Variants in ZNF560 observed in about 807,000 individuals in gnomAD.
The protein encoded by ZNF560 is zinc finger protein 560.
A neutral mutation model predicts 81.8 loss-of-function variants in ZNF560; 54 were observed. The observed-to-expected ratio is 0.66, with a 90% CI of 0.53 to 0.83. The LOEUF (loss-of-function observed/expected upper bound fraction) is 0.83, where lower values mean the gene tolerates loss of function less well. Ranked by LOEUF, ZNF560 falls within the 40% of genes least tolerant of loss-of-function variation. ZNF560 has a pLI of 0.00. For missense variants in ZNF560, 940 were observed against 932.4 expected, an observed-to-expected ratio of 1.01 and a Z score of -0.11; for synonymous variants, 321 against 317.9, an observed-to-expected ratio of 1.01 and a Z score of -0.10.
chr19:9,487,239 C>T (rs1448110859), intron 2 of ZNF560, among the ~76,000 whole-genome samples: 1 of 152,146 alleles, frequency 6.6e-6, no homozygotes, highest in African/African-American at 2.4e-5. Context: ...AGTAAAATTG[C>T]CTTGCTGAGA....
At chr19:9,449,832 G>A in the ZNF560 span, among the ~76,000 whole-genome samples, 1 of 152,092 alleles carries the variant, frequency 6.6e-6, no homozygotes, top group South Asian at 2.1e-4. Flanking sequence ...AGCCAGGTGT[G>A]CCAGTCTGTG....
the ZNF560 span, among the ~76,000 whole-genome samples, chr19:9,447,445 T>A: frequency 6.6e-6 from 1 of 151,982 alleles, no homozygotes; most frequent in South Asian, 2.1e-4. Flanking sequence ...ACAGGGAAGC[T>A]CAGCTAGATC....
At chr19:9,483,195 C>A (rs150557628) in intron 2 of ZNF560, among the ~76,000 whole-genome samples, 3 of 151,298 alleles carry the variant, frequency 2.0e-5, no homozygotes, top group Non-Finnish European at 2.9e-5. Flanking sequence ...TCTTCCCGGC[C>A]GCCATCCCGT....
rs780520621 is a variant in ZNF560 at position 9,475,281 on chromosome 19, T to C, written c.30+3A>G. On this transcript the variant is annotated splice_donor_region_variant and intron_variant, in intron 3 of 9. Transcript: ENST00000301480. ...TTTGTGGAAGTATACATTTTCTGCA[T>C]ACCTGATAACAATTTGTCAGGCAGT... 17 of 1,613,750 alleles carry C rather than the reference T, an allele frequency of 1.1e-5. No homozygotes were observed. In the South Asian group the frequency reaches 1.6e-4, roughly 16 times the overall value.
intron 2 of ZNF560, among the ~76,000 whole-genome samples, chr19:9,496,533 T>C (rs1239262610): frequency 7.0e-6 from 1 of 143,592 alleles, no homozygotes; most frequent in African/African-American, 2.6e-5. Flanking sequence ...CTGGCTTTGG[T>C]CTTTTTGACT....
At chr19:9,483,576 G>A (rs907725897) in intron 2 of ZNF560, among the ~76,000 whole-genome samples, 1 of 147,536 alleles carries the variant, frequency 6.8e-6, no homozygotes. Flanking sequence ...CGTCCGGGAG[G>A]GGGGTGGGGG....
chr19:9,505,185 CAAGTTGCT>C, the ZNF560 span, among the ~76,000 whole-genome samples: 1 of 152,222 alleles, frequency 6.6e-6, no homozygotes. Context: ...CTCAGCATCC[CAAGTTGCT>C]AGAATTAAAG....
At chr19:9,480,143 C>T (rs760418848) in intron 2 of ZNF560, among the ~76,000 whole-genome samples, 3 of 152,170 alleles carry the variant, frequency 2.0e-5, no homozygotes, top group Non-Finnish European at 2.9e-5. Flanking sequence ...ATACACAGAA[C>T]ATTCCATCCA....
chr19:9,492,165 G>A (rs1439736178), intron 2 of ZNF560, among the ~76,000 whole-genome samples: 1 of 151,838 alleles, frequency 6.6e-6, no homozygotes, highest in East Asian at 2.0e-4. Context: ...GGTTTTCGTA[G>A]GGGGGTTGAT....
rs753732225 is a variant in ZNF560 at position 9,468,161 on chromosome 19, C to T, written c.786G>A (p.Arg262=). Residue 262 remains arginine, a synonymous_variant, in exon 10 of 10, where the codon AGG becomes AGA. Coordinates refer to ENST00000301480, the MANE Select transcript of ZNF560 (RefSeq NM_152476.3). ...LSLYNKTSTI[R]KVSVFSKHGK... ...CATGCTTACTGAACACAGAAACTTT[C>T]CTTATGGTAGAGGTTTTATTGTATA... is the stretch of plus-strand genomic sequence containing the variant. 4 of 1,614,032 alleles carry T rather than the reference C, an allele frequency of 2.5e-6. No homozygotes were observed. Among genetic ancestry groups the T allele is most frequent in the East Asian group, 4.5e-5 (2 of 44,874 alleles).
the ZNF560 span, among the ~76,000 whole-genome samples, chr19:9,506,397 G>A: frequency 3.5e-5 from 5 of 144,028 alleles, no homozygotes; most frequent in African/African-American, 5.2e-5. Flanking sequence ...TCTGCTATAC[G>A]ACTGCACGCT....
rs557898121 is a variant in ZNF560, at chr19:9,476,965, C to A, written c.-56-1596G>T. Among the ~76,000 whole-genome samples, 25 of 152,206 alleles carry A rather than the reference C, an allele frequency of 1.6e-4. No individual in the cohort carries two copies. The South Asian group carries it at 5.0e-3, about 30-fold the overall frequency. On this transcript the variant is annotated intron_variant, in intron 2 of 9. Transcript: ENST00000301480. Reference sequence around the variant, plus strand: ...GTAGCTTATAAATCTAAGTGGATAACTGGCAATCTATTCCTCTTTATATAG... The same window carrying A: ...GTAGCTTATAAATCTAAGTGGATAAATGGCAATCTATTCCTCTTTATATAG...
At chr19:9,483,396 C>T (rs563215486) in intron 2 of ZNF560, among the ~76,000 whole-genome samples, 5 of 150,634 alleles carry the variant, frequency 3.3e-5, no homozygotes, top group South Asian at 2.1e-4. Context: ...GCAGCCGCCC[C>T]GTCTGAGAAG....
Position 9,466,482 on chromosome 19 carries a change from G to T in ZNF560, c.*92C>A. On this transcript the variant is annotated 3_prime_UTR_variant, in exon 10 of 10. Transcript: ENST00000301480. ...TTCTCACATTCCTTACATTGATAGTGTTACTTTCTCCTGTGAATTTTTACA... is the reference window on the plus strand; with the variant it reads ...TTCTCACATTCCTTACATTGATAGTTTTACTTTCTCCTGTGAATTTTTACA... 1 of 1,203,344 alleles carries T rather than the reference G, an allele frequency of 8.3e-7. No individual in the cohort carries two copies. The highest frequency in any genetic ancestry group is 1.2e-6 in the Non-Finnish European group (1 of 852,796). The allele number at this position is 1,203,344 out of a possible 1,614,324, so 74.5% of individuals were successfully genotyped here. A position where few individuals can be genotyped will look rare whatever the true frequency, so the allele number is the denominator to read the frequency against.
downstream of ZNF560, among the ~76,000 whole-genome samples, chr19:9,464,367 T>C (rs1351193500): frequency 6.6e-6 from 1 of 152,202 alleles, no homozygotes; most frequent in African/African-American, 2.4e-5. Context: ...AAAGACAACA[T>C]TCGTGGTTCC....
At chr19:9,459,631 C>T in the ZNF560 span, among the ~76,000 whole-genome samples, 5 of 152,020 alleles carry the variant, frequency 3.3e-5, no homozygotes, top group African/African-American at 9.7e-5. Flanking sequence ...GCTCTGGGAG[C>T]CCACACTATT....
At chr19:9,459,831 A>G in the ZNF560 span, among the ~76,000 whole-genome samples, 1 of 152,178 alleles carries the variant, frequency 6.6e-6, no homozygotes, top group Non-Finnish European at 1.5e-5. Flanking sequence ...CCCTGGGCTT[A>G]GACTGTAGTG....
chr19:9,462,574 C>T (rs138667162), downstream of ZNF560, among the ~76,000 whole-genome samples: 468 of 152,218 alleles, frequency 3.1e-3, 2 homozygotes, highest in African/African-American at 0.011. Context: ...GGATTGTGGT[C>T]TCCATGACCG....
chr19:9,477,184 TATATATACACATACATATGTGCATATAC>T (rs1448172169), intron 2 of ZNF560, among the ~76,000 whole-genome samples: 15 of 152,338 alleles, frequency 9.8e-5, no homozygotes, highest in African/African-American at 3.6e-4. Flanking sequence ...AGACATTACA[TATATATACACATACATATGTGCATATAC>T]ATATATACAT....
Sources: gnomAD v4.1 joint callset for allele counts (sites outside exome capture counted in the v4.1 genomes callset) on GRCh38, gnomAD v4.1.1 for gene constraint, MANE v1.5 for transcripts, NCBI Gene and HGNC (gene_info 2026-07-23, HGNC 2026-07-21) for gene names.